Variants in THRA observed in about 807,000 individuals in gnomAD.
THRA encodes the protein EAR-7.
In THRA, 13 loss-of-function variants were observed where a neutral mutation model predicts 45.0. That is an observed-to-expected ratio of 0.29 (90% CI 0.19 to 0.46). The LOEUF (loss-of-function observed/expected upper bound fraction) is 0.46, where lower values mean the gene tolerates loss of function less well. Among genes scored for constraint, THRA ranks in the 20% least tolerant of loss-of-function variants. The pLI, the probability that THRA is intolerant of heterozygous loss-of-function variation, is 1.00. For synonymous variants in THRA, 195 were observed against 214.0 expected, an observed-to-expected ratio of 0.91 and a Z score of 0.78; for missense variants, 278 against 556.1, an observed-to-expected ratio of 0.50 and a Z score of 5.03.
intron 1 of THRA, among the ~76,000 whole-genome samples, chr17:40,065,934 C>T (rs921347127): frequency 3.3e-5 from 5 of 152,236 alleles, no homozygotes; most frequent in African/African-American, 7.2e-5. Context: ...GGAAAAGAAC[C>T]GCCCCCATGG....
At position 40,092,406 on chromosome 17, in the gene THRA, CAG is replaced by C. The variant is rs956671943; in HGVS notation, c.*2951_*2952del. Reference sequence around the variant, plus strand: ...GGGGGAGGGGGGTTGTGGCCAGAAACAGGGAAGGAGGTAGGTCTCTTCCCCAG... The same window carrying C: ...GGGGGAGGGGGGTTGTGGCCAGAAACGGAAGGAGGTAGGTCTCTTCCCCAG... On this transcript the variant is annotated 3_prime_UTR_variant, in exon 9 of 9. Transcript: ENST00000450525. 1 of 151,726 alleles carries C rather than the reference CAG, an allele frequency of 6.6e-6. No homozygotes were observed. The highest frequency in any genetic ancestry group is 2.4e-5 in the African/African-American group (1 of 41,120). The allele number at this position is 151,726 out of a possible 1,614,324, so 9.4% of individuals were successfully genotyped here. A position where few individuals can be genotyped will look rare whatever the true frequency, so the allele number is the denominator to read the frequency against.
rs1987576625 is a variant in THRA, at chr17:40,091,995, G to A, written c.*2539G>A. The A allele has an allele frequency of 6.5e-6, 1 of 152,716 alleles. No individual in the cohort carries two copies. The highest frequency in any genetic ancestry group is 2.1e-4 in the South Asian group (1 of 4,844). The allele number at this position is 152,716 out of a possible 1,614,324, so 9.5% of individuals were successfully genotyped here. ...GGCCCGGGGCACTAGGGCAGGCAGG[G>A]TGGAGCAGCAGGTGCAGTATCGGTG... is the stretch of plus-strand genomic sequence containing the variant. On this transcript the variant is annotated 3_prime_UTR_variant, in exon 9 of 9. Coordinates refer to ENST00000450525, the MANE Select transcript of THRA (RefSeq NM_199334.5).
intron 4 of THRA, among the ~76,000 whole-genome samples, chr17:40,080,152 CACTTT>C (rs925590400): frequency 1.3e-5 from 2 of 151,944 alleles, no homozygotes; most frequent in Admixed American, 6.6e-5. Flanking sequence ...GTAATCCAAA[CACTTT>C]AGGAGGCCAA....
intron 1 of THRA, among the ~76,000 whole-genome samples, 163 bp downstream of exon 1, chr17:40,063,255 G>A (rs1035876086): frequency 6.6e-6 from 1 of 152,210 alleles, no homozygotes; most frequent in African/African-American, 2.4e-5. Context: ...CCTGTCACGA[G>A]CCCGGGAGCT....
chr17:40,079,819 G>C (rs1461531154), intron 4 of THRA, among the ~76,000 whole-genome samples: 1 of 152,174 alleles, frequency 6.6e-6, no homozygotes, highest in Admixed American at 6.5e-5. Flanking sequence ...TGACAGAGGA[G>C]GGATTATGAA....
intron 1 of THRA, among the ~76,000 whole-genome samples, chr17:40,066,429 G>A (rs1357103762): frequency 2.0e-5 from 3 of 152,012 alleles, no homozygotes; most frequent in Non-Finnish European, 2.9e-5. Context: ...ACTGGGAGGC[G>A]GAGGCAGGCA....
chr17:40,079,574 C>T (rs944396641), intron 4 of THRA, among the ~76,000 whole-genome samples: 2 of 152,120 alleles, frequency 1.3e-5, no homozygotes, highest in Admixed American at 1.3e-4. Flanking sequence ...CCAGGATCAC[C>T]TCCTAAAAAT....
chr17:40,077,004 C>T, intron 3 of THRA, 66 bp downstream of exon 3: 1 of 1,500,874 alleles, frequency 6.7e-7, no homozygotes. Context: ...CAGGGCTCCT[C>T]TGGACCTGGA....
In THRA at chr17:40,089,067, A is replaced by C; in HGVS notation, c.983-139A>C. The C allele has an allele frequency of 2.1e-6, 1 of 478,232 alleles. No homozygotes were observed. The highest frequency in any genetic ancestry group is 2.0e-5 in the South Asian group (1 of 50,976). 29.6% of individuals were successfully genotyped at this position (478,232 alleles called of 1,614,324 possible). On this transcript the variant is annotated intron_variant, in intron 8 of 8. Coordinates refer to ENST00000450525, the MANE Select transcript of THRA (RefSeq NM_199334.5). The surrounding 1 kb of genome is among the most constrained non-coding windows in gnomAD (Gnocchi z 6.1). ...TCTCCTGTCCACGTCTCTCAGGGGG[A>C]GCTTCTCCCCTCCCCTCCCCCAGCC...
chr17:40,079,097 A>G (rs1987051016), intron 4 of THRA, among the ~76,000 whole-genome samples: 1 of 152,036 alleles, frequency 6.6e-6, no homozygotes, highest in South Asian at 2.1e-4. Context: ...CTTCCTTTTA[A>G]CAGAATCCCG....
chr17:40,076,665 A>G (rs1986964781), intron 2 of THRA, among the ~76,000 whole-genome samples: 2 of 152,116 alleles, frequency 1.3e-5, no homozygotes, highest in Admixed American at 6.6e-5. Context: ...TGCTTGTGCC[A>G]CAGCCAAGCC....
Position 40,084,755 on chromosome 17 carries a change from A to G in THRA, c.516A>G (p.Thr172=), listed in dbSNP as rs754060252. 1.7e-5 allele frequency: 27 copies of G among 1,614,024 alleles called. No individual in the cohort carries two copies. Among genetic ancestry groups the G allele is most frequent in the Non-Finnish European group, 2.1e-5 (25 of 1,180,034 alleles). Residue 172 remains threonine, a synonymous_variant, in exon 6 of 9, where the codon ACA becomes ACG. Transcript: ENST00000450525. ...PEEWDLIHIA[T]EAHRSTNAQG... is the part of the protein sequence containing the mutation. ...AGTGGGATCTGATCCACATTGCCAC[A>G]GAGGCCCATCGCAGCACCAATGCCC...
intron 7 of THRA, 99 bp from the exon 8 acceptor site, chr17:40,088,143 G>A: frequency 6.8e-7 from 1 of 1,465,976 alleles, no homozygotes; most frequent in South Asian, 1.4e-5. Flanking sequence ...GTCCATGGGG[G>A]CCTTGCGGGC....
rs762985147 is a variant in THRA, at chr17:40,089,290, G to A, written c.1067G>A (p.Arg356His). ...GCGTTCGAGCACTACGTCAACCACC[G>A]CAAACACAACATTCCGCACTTCTGG... ...LLAFEHYVNH[R>H]KHNIPHFWPK... The change falls in exon 9 of 9, where the codon CGC becomes CAC. Residue 356 changes from arginine (R) to histidine (H), a missense_variant. By Grantham distance (29) the Arg-to-His change is conservative (BLOSUM62 0). Coordinates refer to ENST00000450525, the MANE Select transcript of THRA (RefSeq NM_199334.5). This position sits in a 1 kb window ranked among gnomAD's most constrained non-coding sequence, Gnocchi z 6.1. 1 of 1,614,048 alleles carries A rather than the reference G, an allele frequency of 6.2e-7. No homozygotes were observed. The highest frequency in any genetic ancestry group is 1.1e-5 in the South Asian group (1 of 91,084).
intron 7 of THRA, among the ~76,000 whole-genome samples, chr17:40,087,676 G>C (rs1332200735): frequency 6.6e-6 from 1 of 152,208 alleles, no homozygotes; most frequent in Non-Finnish European, 1.5e-5. Context: ...TGTGACCTGG[G>C]GTAAGTTACC....
intron 1 of THRA, among the ~76,000 whole-genome samples, chr17:40,067,181 C>T (rs887465619): frequency 1.3e-5 from 2 of 151,764 alleles, no homozygotes; most frequent in African/African-American, 4.8e-5. Context: ...AGGCAGGCCC[C>T]TCTGCCCCAC....
chr17:40,086,940 T>C, intron 7 of THRA, 87 bp downstream of exon 7: 1 of 1,567,928 alleles, frequency 6.4e-7, no homozygotes, highest in East Asian at 2.3e-5. Context: ...CATCTGAGGT[T>C]CTCTGGACAA....
At position 40,074,407 on chromosome 17, in the gene THRA, C is replaced by A; in HGVS notation, c.-82C>A. ...GGCCTGGGTGGCAGGGGGTGGGTGG[C>A]CTGTGGGTGTGCCGGGGGGGCCAGT... is the stretch of plus-strand genomic sequence containing the variant. On this transcript the variant is annotated 5_prime_UTR_variant, in exon 2 of 9. Transcript: ENST00000450525. 6.6e-7 allele frequency: 1 copy of A among 1,517,338 alleles called. No homozygotes were observed. The highest frequency in any genetic ancestry group is 9.1e-7 in the Non-Finnish European group (1 of 1,098,088). The allele number at this position is 1,517,338 out of a possible 1,614,324, so 94.0% of individuals were successfully genotyped here.
At chr17:40,080,520 A>AGAAGCAATACAATCCTTCTG (rs1297093458) in intron 4 of THRA, among the ~76,000 whole-genome samples, 1 of 152,182 alleles carries the variant, frequency 6.6e-6, no homozygotes, top group East Asian at 1.9e-4. Context: ...GTTCCCTAGC[A>AGAAGCAATACAATCCTTCTG]GAAGCAATAC....
Sources: allele counts gnomAD v4.1 joint callset (sites outside exome capture counted in the v4.1 genomes callset), GRCh38; gene constraint gnomAD v4.1.1; non-coding constraint Gnocchi (gnomAD v3.1); transcripts MANE v1.5; gene names NCBI Gene and HGNC (gene_info 2026-07-23, HGNC 2026-07-21).